Variants in GREM2 observed in about 807,000 individuals in gnomAD.
GREM2 encodes the protein gremlin-2.
A neutral mutation model predicts 14.2 loss-of-function variants in GREM2; 11 were observed. The observed-to-expected ratio is 0.78, with a 90% CI of 0.49 to 1.28. GREM2 has a LOEUF of 1.28. Ranked by LOEUF, GREM2 falls within the 50% of genes most tolerant of loss-of-function variation. The pLI, the probability that GREM2 is intolerant of heterozygous loss-of-function variation, is 0.00. For missense variants in GREM2, 210 were observed against 218.5 expected, an observed-to-expected ratio of 0.96 and a Z score of 0.24; for synonymous variants, 98 against 97.6, an observed-to-expected ratio of 1.00 and a Z score of -0.02.
At chr1:240,524,205 A>G (rs72752842) in intron 1 of GREM2, among the ~76,000 whole-genome samples, 42,444 of 152,196 alleles carry the variant, frequency 0.28, 7,410 homozygotes, top group Non-Finnish European at 0.39. Context: ...TTGTAAAGAC[A>G]AAAAATAAAA....
chr1:240,575,760 A>G (rs12141635), intron 1 of GREM2, among the ~76,000 whole-genome samples: 43,844 of 151,860 alleles, frequency 0.29, 6,677 homozygotes, highest in African/African-American at 0.38. Context: ...ACCTCAGGTG[A>G]TCTGTCCACC....
intron 1 of GREM2, among the ~76,000 whole-genome samples, chr1:240,500,535 C>A (rs1422070985): frequency 6.6e-6 from 1 of 152,058 alleles, no homozygotes; most frequent in Non-Finnish European, 1.5e-5. Flanking sequence ...GAACTTCTAG[C>A]CTCAAGTGAT....
At chr1:240,510,324 C>G (rs577039067) in intron 1 of GREM2, among the ~76,000 whole-genome samples, 4 of 126,262 alleles carry the variant, frequency 3.2e-5, no homozygotes, top group East Asian at 5.1e-4. Context: ...GAGCAGAGAT[C>G]GCGCCACTGC....
At chr1:240,564,868 G>A (rs1017952409) in intron 1 of GREM2, among the ~76,000 whole-genome samples, 2 of 152,192 alleles carry the variant, frequency 1.3e-5, no homozygotes, top group African/African-American at 4.8e-5. Flanking sequence ...GACTTGAGTT[G>A]GAGCTACGTT....
At chr1:240,564,029 G>T (rs946352335) in intron 1 of GREM2, among the ~76,000 whole-genome samples, 2 of 152,206 alleles carry the variant, frequency 1.3e-5, no homozygotes, top group East Asian at 3.9e-4. Flanking sequence ...GGGCAATATA[G>T]TGAGACCCTA....
chr1:240,522,120 CAA>C (rs34438696), intron 1 of GREM2, among the ~76,000 whole-genome samples: 7 of 70,870 alleles, frequency 9.9e-5, no homozygotes, highest in Non-Finnish European at 1.2e-4. Context: ...ACCCTGTCTC[CAA>C]AAAAAAAAAA....
At chr1:240,522,470 GGA>G (rs2103304946) in intron 1 of GREM2, among the ~76,000 whole-genome samples, 1 of 152,084 alleles carries the variant, frequency 6.6e-6, no homozygotes, top group Admixed American at 6.5e-5. Context: ...AAATGGAGCT[GGA>G]CCCATTAATA....
intron 1 of GREM2, among the ~76,000 whole-genome samples, chr1:240,604,022 G>A (rs1571954452): frequency 6.6e-6 from 1 of 151,444 alleles, no homozygotes; most frequent in South Asian, 2.1e-4. Flanking sequence ...CACTCACGGC[G>A]AGGGGTTAAG....
intron 1 of GREM2, among the ~76,000 whole-genome samples, chr1:240,505,617 T>C (rs1055914626): frequency 2.6e-5 from 4 of 152,100 alleles, no homozygotes; most frequent in Admixed American, 1.3e-4. Flanking sequence ...TCAAATACTG[T>C]TCTTCACTCT....
In GREM2 at chr1:240,492,190, G is replaced by A. The variant is rs1230933434; in HGVS notation, c.*779C>T. ...AGCGTTAATATAGAGACCTTTGTGT[G>A]TGATAATATTCTAATTGCAGCAATA... On this transcript the variant is annotated 3_prime_UTR_variant, in exon 2 of 2. Coordinates refer to ENST00000318160, the MANE Select transcript of GREM2 (RefSeq NM_022469.4). The A allele has an allele frequency of 4.4e-6, 2 of 452,248 alleles. No homozygotes were observed. The highest frequency in any genetic ancestry group is 3.3e-4 in the Middle Eastern group (1 of 3,050). 28.0% of individuals were successfully genotyped at this position (452,248 alleles called of 1,614,324 possible).
chr1:240,598,633 A>G (rs1369702624), intron 1 of GREM2, among the ~76,000 whole-genome samples: 1 of 152,098 alleles, frequency 6.6e-6, no homozygotes, highest in African/African-American at 2.4e-5. Flanking sequence ...TGGTATTAGG[A>G]GTTAGTTTTT....
At chr1:240,526,527 G>T (rs75224535) in intron 1 of GREM2, among the ~76,000 whole-genome samples, 1 of 151,984 alleles carries the variant, frequency 6.6e-6, no homozygotes, top group Non-Finnish European at 1.5e-5. Context: ...TGCTAGCCTC[G>T]GTGCCACGGC....
At chr1:240,577,341 T>A (rs1679391328) in intron 1 of GREM2, among the ~76,000 whole-genome samples, 1 of 150,712 alleles carries the variant, frequency 6.6e-6, no homozygotes, top group Non-Finnish European at 1.5e-5. Flanking sequence ...AAAAAAAAAA[T>A]GGAAAAAAAG....
At chr1:240,580,310 AC>A (rs1679461080) in intron 1 of GREM2, among the ~76,000 whole-genome samples, 1 of 152,212 alleles carries the variant, frequency 6.6e-6, no homozygotes, top group African/African-American at 2.4e-5. Flanking sequence ...ACAAAATGTA[AC>A]ATGAATAACT....
At chr1:240,502,026 T>C (rs1361527874) in intron 1 of GREM2, among the ~76,000 whole-genome samples, 1 of 152,104 alleles carries the variant, frequency 6.6e-6, no homozygotes, top group Non-Finnish European at 1.5e-5. Flanking sequence ...ACACCAATCA[T>C]GCTCTCGTGA....
At chr1:240,503,777 T>C (rs528504946) in intron 1 of GREM2, among the ~76,000 whole-genome samples, 8 of 152,350 alleles carry the variant, frequency 5.3e-5, no homozygotes, top group South Asian at 4.1e-4. Context: ...ACATGTTTCC[T>C]GTGCTCTTTA....
chr1:240,554,907 G>A (rs1051463384), intron 1 of GREM2, among the ~76,000 whole-genome samples: 1 of 152,152 alleles, frequency 6.6e-6, no homozygotes, highest in African/African-American at 2.4e-5. Flanking sequence ...ACTTTGGGAG[G>A]TTGAGGCGGG....
At chr1:240,562,189 G>C (rs1218533458) in intron 1 of GREM2, among the ~76,000 whole-genome samples, 1 of 152,172 alleles carries the variant, frequency 6.6e-6, no homozygotes, top group Non-Finnish European at 1.5e-5. Context: ...TATTTGGAGG[G>C]CAGATGATGC....
chr1:240,555,516 G>A (rs1678939369), intron 1 of GREM2, among the ~76,000 whole-genome samples: 1 of 152,214 alleles, frequency 6.6e-6, no homozygotes, highest in Admixed American at 6.6e-5. Flanking sequence ...AAAATGTTTA[G>A]GACAAAGTCA....
Sources: gnomAD v4.1 joint callset for allele counts (sites outside exome capture counted in the v4.1 genomes callset) on GRCh38, gnomAD v4.1.1 for gene constraint, MANE v1.5 for transcripts, NCBI Gene and HGNC (gene_info 2026-07-23, HGNC 2026-07-21) for gene names.